CCSER2: variants seen among roughly 807,000 people sequenced by gnomAD.
The protein encoded by CCSER2 is serine-rich coiled-coil domain-containing protein 2.
A neutral mutation model predicts 92.3 loss-of-function variants in CCSER2; 46 were observed. That is an observed-to-expected ratio of 0.50 (90% CI 0.39 to 0.64). CCSER2 has a LOEUF of 0.64. Ranked by LOEUF, CCSER2 falls within the 30% of genes least tolerant of loss-of-function variation. CCSER2 has a pLI of 0.00. For synonymous variants in CCSER2, 433 were observed against 431.4 expected (o/e 1.00, Z -0.04); for missense variants, 1,244 against 1,238.9 (o/e 1.00, Z -0.06).
At chr10:84,494,270 G>A (rs548516696) in intron 9 of CCSER2, among the ~76,000 whole-genome samples, 1 of 152,286 alleles carries the variant, frequency 6.6e-6, no homozygotes, top group Non-Finnish European at 1.5e-5. Context: ...GTGCTGGTGG[G>A]AGTGTCTTTT....
intron 9 of CCSER2, among the ~76,000 whole-genome samples, chr10:84,480,208 C>T (rs941727694): frequency 6.6e-6 from 1 of 151,926 alleles, no homozygotes; most frequent in Admixed American, 6.6e-5. Flanking sequence ...CCATGCCTGG[C>T]TAATTTTTTT....
chr10:84,482,430 T>TA (rs1847511607), intron 9 of CCSER2, among the ~76,000 whole-genome samples: 1 of 152,212 alleles, frequency 6.6e-6, no homozygotes, highest in Admixed American at 6.5e-5. Flanking sequence ...CATAAAAACT[T>TA]ACGAAACTAT....
chr10:84,386,902 A>G (rs1050366760), intron 3 of CCSER2, among the ~76,000 whole-genome samples: 1 of 152,160 alleles, frequency 6.6e-6, no homozygotes, highest in Non-Finnish European at 1.5e-5. Flanking sequence ...CATGGACATA[A>G]ACATGGAAAT....
intron 3 of CCSER2, among the ~76,000 whole-genome samples, chr10:84,412,272 C>T (rs773192477): frequency 1.3e-5 from 2 of 151,984 alleles, no homozygotes; most frequent in Non-Finnish European, 2.9e-5. Context: ...GTATCTCTGC[C>T]AGGTTTTGGT....
At chr10:84,436,417 C>G (rs967946124) in intron 5 of CCSER2, among the ~76,000 whole-genome samples, 4 of 147,676 alleles carry the variant, frequency 2.7e-5, no homozygotes, top group Non-Finnish European at 3.0e-5. Context: ...GGGCGGATCA[C>G]GAGGTCAGGA....
chr10:84,400,735 G>A (rs972653330), intron 3 of CCSER2, among the ~76,000 whole-genome samples: 3 of 151,856 alleles, frequency 2.0e-5, no homozygotes, highest in Admixed American at 1.3e-4. Context: ...CCAACATGAC[G>A]AATCCTCATC....
At chr10:84,413,066 T>C (rs1490542446) in intron 3 of CCSER2, among the ~76,000 whole-genome samples, 1 of 152,106 alleles carries the variant, frequency 6.6e-6, no homozygotes, top group Non-Finnish European at 1.5e-5. Context: ...TAGTTGTCTA[T>C]TTTATTAATT....
chr10:84,365,319 C>T (rs903477675), intron 1 of CCSER2, among the ~76,000 whole-genome samples: 1 of 152,184 alleles, frequency 6.6e-6, no homozygotes, highest in African/African-American at 2.4e-5. Context: ...TCAAAGACAG[C>T]ATGGCTACCA....
intron 3 of CCSER2, among the ~76,000 whole-genome samples, chr10:84,396,749 C>G (rs1841862638): frequency 6.6e-6 from 1 of 152,126 alleles, no homozygotes; most frequent in South Asian, 2.1e-4. Flanking sequence ...GTTGCCAAGG[C>G]TGGTCTTGAA....
intron 1 of CCSER2, among the ~76,000 whole-genome samples, chr10:84,332,691 C>G (rs867702589): frequency 2.6e-5 from 4 of 151,676 alleles, no homozygotes; most frequent in Admixed American, 1.3e-4. Context: ...GTGGATCACA[C>G]CTGTAATCTC....
At position 84,372,179 on chromosome 10, in the gene CCSER2, A is replaced by C; in HGVS notation, c.1127A>C (p.Lys376Thr). ...ELIENESYRT[K>T]NNQTMKHDAK... ...ATTGAAAATGAAAGTTATAGAACAA[A>C]AAACAACCAGACCATGAAACATGAT... Residue 376 changes from lysine to threonine, a missense_variant, in exon 2 of 10, where the codon AAA becomes ACA. By Grantham distance (78) the Lys-to-Thr change is moderately conservative. Coordinates refer to ENST00000372088, the MANE Select transcript of CCSER2 (RefSeq NM_001284240.2). 6.2e-7 allele frequency: 1 copy of C among 1,613,668 alleles called. No individual in the cohort carries two copies. Among genetic ancestry groups the C allele is most frequent in the East Asian group, 2.2e-5 (1 of 44,864 alleles).
At chr10:84,456,760 G>A (rs980102598) in intron 6 of CCSER2, among the ~76,000 whole-genome samples, 1 of 151,990 alleles carries the variant, frequency 6.6e-6, no homozygotes, top group Admixed American at 6.6e-5. Context: ...TATTATCAGT[G>A]TATTATAAAA....
intron 9 of CCSER2, among the ~76,000 whole-genome samples, chr10:84,500,410 T>A (rs1848663276): frequency 6.6e-6 from 1 of 152,224 alleles, no homozygotes; most frequent in Non-Finnish European, 1.5e-5. Context: ...ATTTCCTAAT[T>A]AAGGGCTTGG....
At chr10:84,329,398 T>C (rs1843437465) in intron 1 of CCSER2, among the ~76,000 whole-genome samples, 1 of 152,170 alleles carries the variant, frequency 6.6e-6, no homozygotes, top group African/African-American at 2.4e-5. Flanking sequence ...GTGGCGAAGC[T>C]TGTTTCCATT....
At chr10:84,456,459 A>G (rs1015599942) in intron 6 of CCSER2, among the ~76,000 whole-genome samples, 2 of 152,132 alleles carry the variant, frequency 1.3e-5, no homozygotes, top group Non-Finnish European at 2.9e-5. Context: ...TTTTAATGCT[A>G]CCAGTTTGCT....
intron 1 of CCSER2, among the ~76,000 whole-genome samples, chr10:84,363,945 A>C (rs1433021480): frequency 6.6e-6 from 1 of 152,206 alleles, no homozygotes; most frequent in Non-Finnish European, 1.5e-5. Flanking sequence ...ATGGTATACT[A>C]TCTTGCTTAT....
chr10:84,363,745 A>C (rs1465232808), intron 1 of CCSER2, among the ~76,000 whole-genome samples: 1 of 152,186 alleles, frequency 6.6e-6, no homozygotes, highest in Non-Finnish European at 1.5e-5. Context: ...TTCCTCTGAC[A>C]TTAGCCATTC....
chr10:84,446,853 G>A (rs953736656), intron 6 of CCSER2, among the ~76,000 whole-genome samples: 1 of 151,900 alleles, frequency 6.6e-6, no homozygotes, highest in Non-Finnish European at 1.5e-5. Flanking sequence ...CTTTATATAA[G>A]TGAAATTATA....
rs60243946 is a variant in CCSER2, at chr10:84,428,985, GTATATATATA to G, written c.1868+3113_1868+3122del. Among the ~76,000 whole-genome samples the G allele has an allele frequency of 4.4e-3, 615 of 140,858 alleles. 8 individuals are homozygous for G. The highest frequency in any genetic ancestry group is 0.018 in the Middle Eastern group (5 of 272). The allele number at this position is 140,858 out of a possible 152,430, so 92.4% of individuals were successfully genotyped here. On this transcript the variant is annotated intron_variant, in intron 5 of 9. Coordinates refer to ENST00000372088, the MANE Select transcript of CCSER2 (RefSeq NM_001284240.2). Reference sequence around the variant, plus strand: ...GAAGATTTTTTTTGTGTGTGTATGTGTATATATATATATATATATATATATATATACACAC... The same window carrying G: ...GAAGATTTTTTTTGTGTGTGTATGTGTATATATATATATATATATACACAC...
Sources: allele counts gnomAD v4.1 joint callset (sites outside exome capture counted in the v4.1 genomes callset), GRCh38; gene constraint gnomAD v4.1.1; transcripts MANE v1.5; gene names NCBI Gene and HGNC (gene_info 2026-07-23, HGNC 2026-07-21).